The following PAQR9 variants were observed in gnomAD, a reference collection of about 807,000 sequenced individuals.
The protein encoded by PAQR9 is progestin and adipoQ receptor family member 9.
In PAQR9, 12 loss-of-function variants were observed where a neutral mutation model predicts 24.0. The observed-to-expected ratio is 0.50, with a 90% confidence interval of 0.32 to 0.81. The LOEUF (loss-of-function observed/expected upper bound fraction) is 0.81, where lower values mean the gene tolerates loss of function less well. PAQR9 is among the 30% of genes least tolerant of loss of function. PAQR9 has a pLI of 0.03. For missense variants in PAQR9, 418 were observed against 520.8 expected, an observed-to-expected ratio of 0.80 and a Z score of 1.92; for synonymous variants, 266 against 237.6, an observed-to-expected ratio of 1.12 and a Z score of -1.10.
At chr3:142,953,053 C>G (rs1934740365), downstream of PAQR9, among the ~76,000 whole-genome samples, 1 of 152,184 alleles carries the variant, frequency 6.6e-6, no homozygotes, top group African/African-American at 2.4e-5. Flanking sequence ...CACACAGAAC[C>G]TGAAGAACTC....
In PAQR9 at chr3:142,962,765, T is replaced by C; in HGVS notation, c.572A>G (p.Tyr191Cys). Residue 191 changes from tyrosine (Y) to cysteine (C), a missense_variant, in exon 1 of 1, where the codon TAC becomes TGC. Coordinates refer to ENST00000340634, the MANE Select transcript of PAQR9 (RefSeq NM_198504.4). Reference sequence around the variant, plus strand: ...GTGCCAGCCCAGGCGCTGCTGCAAGTATGGAGTCATGACTCTGGCATCCAG... The same window carrying C: ...GTGCCAGCCCAGGCGCTGCTGCAAGCATGGAGTCATGACTCTGGCATCCAG... ...SLLDARVMTP[Y>C]LQQRLGWHVD... The C allele has an allele frequency of 6.2e-7, 1 of 1,612,502 alleles. No individual in the cohort carries two copies. Among genetic ancestry groups the C allele is most frequent in the Non-Finnish European group, 8.5e-7 (1 of 1,179,688 alleles).
At chr3:142,951,380 G>GC (rs1172895952), downstream of PAQR9, among the ~76,000 whole-genome samples, 1 of 152,198 alleles carries the variant, frequency 6.6e-6, no homozygotes, top group Non-Finnish European at 1.5e-5. Flanking sequence ...TGAAGTAGCT[G>GC]TCTGATTCAG....
rs140851741 is a variant in PAQR9 at position 142,963,546 on chromosome 3, G to T, written c.-210C>A. On this transcript the variant is annotated 5_prime_UTR_variant, in exon 1 of 1. Transcript: ENST00000340634. ...TCAATTAATAGGCAGCGCTGCGACC[G>T]CCAGGAGCGCGGAGCGCGCGAGGCT... is the stretch of plus-strand genomic sequence containing the variant. The T allele has an allele frequency of 0.017, 16,883 of 985,550 alleles. 1,861 individuals are homozygous for T. The African/African-American group carries it at 0.25, about 15-fold the overall frequency. 61.1% of individuals were successfully genotyped at this position (985,550 alleles called of 1,614,324 possible).
In PAQR9 at chr3:142,961,475, TAAGA is replaced by T. The variant is rs1934888219; in HGVS notation, c.*724_*727del. On this transcript the variant is annotated 3_prime_UTR_variant, in exon 1 of 1. Coordinates refer to ENST00000340634, the MANE Select transcript of PAQR9 (RefSeq NM_198504.4). ...ACACACGCCTTCAGAAAACACTGTT[TAAGA>T]AAGTAATTGAGAACTCTCAAGCAGC... The T allele has an allele frequency of 6.5e-6, 1 of 152,718 alleles. No homozygotes were observed. Among genetic ancestry groups the T allele is most frequent in the Non-Finnish European group, 1.5e-5 (1 of 68,138 alleles). 9.5% of individuals were successfully genotyped at this position (152,718 alleles called of 1,614,324 possible).
In PAQR9 at chr3:142,962,059, G is replaced by C. The variant is rs1409389392; in HGVS notation, c.*144C>G. The C allele has an allele frequency of 4.0e-6, 4 of 994,518 alleles. No homozygotes were observed. Among genetic ancestry groups the C allele is most frequent in the Non-Finnish European group, 6.0e-6 (4 of 668,914 alleles). 61.6% of individuals were successfully genotyped at this position (994,518 alleles called of 1,614,324 possible). ...TCCAGTGGGTTGGGATCCCTTTGTA[G>C]CAGTGAACTTTTTCCCTATGGTTTT... On this transcript the variant is annotated 3_prime_UTR_variant, in exon 1 of 1. Transcript: ENST00000340634.
In PAQR9 at chr3:142,963,418, G is replaced by T. The variant is rs919475110; in HGVS notation, c.-82C>A. The stretch of plus-strand genomic sequence containing the variant: ...CGCTGGGCAGCCCCCGCCGGCCGCC[G>T]TCGGAGCCTTTGTGCCCACGCCGGG... On this transcript the variant is annotated 5_prime_UTR_variant, in exon 1 of 1. Transcript: ENST00000340634. 51 of 1,065,350 alleles carry T rather than the reference G, an allele frequency of 4.8e-5. No homozygotes were observed. The highest frequency in any genetic ancestry group is 5.3e-5 in the Non-Finnish European group (47 of 884,366). 66.0% of individuals were successfully genotyped at this position (1,065,350 alleles called of 1,614,324 possible). A position where few individuals can be genotyped will look rare whatever the true frequency, so the allele number is the denominator to read the frequency against.
Position 142,959,921 on chromosome 3 carries a change from C to A in PAQR9, c.*2282G>T, listed in dbSNP as rs1934860962. Among the ~76,000 whole-genome samples, 2 of 152,132 alleles carry A rather than the reference C, an allele frequency of 1.3e-5. No individual in the cohort carries two copies. The highest frequency in any genetic ancestry group is 4.1e-4 in the South Asian group (2 of 4,832). On this transcript the variant is annotated 3_prime_UTR_variant, in exon 1 of 1. Coordinates refer to ENST00000340634, the MANE Select transcript of PAQR9 (RefSeq NM_198504.4). ...TTCCAAACCAATGTTCTTTGGGGCTCTAGAAAAAACAACAATGACATGCAA... is the reference window on the plus strand; with the variant it reads ...TTCCAAACCAATGTTCTTTGGGGCTATAGAAAAAACAACAATGACATGCAA...
downstream of PAQR9, among the ~76,000 whole-genome samples, chr3:142,952,185 C>G (rs1934726098): frequency 6.6e-6 from 1 of 151,838 alleles, no homozygotes; most frequent in Non-Finnish European, 1.5e-5. Context: ...GATGAACATA[C>G]AGGAGAACAA....
At position 142,957,708 on chromosome 3, in the gene PAQR9, A is replaced by G. The variant is rs1229811667; in HGVS notation, c.*4495T>C. Among the ~76,000 whole-genome samples, 4 of 152,164 alleles carry G rather than the reference A, an allele frequency of 2.6e-5. No homozygotes were observed. Among genetic ancestry groups the G allele is most frequent in the Non-Finnish European group, 5.9e-5 (4 of 68,024 alleles). ...AGTTATCGTTATTAGTGTTTTCATA[A>G]TATTAGTGATAAGTTTTTCAATTCT... On this transcript the variant is annotated 3_prime_UTR_variant, in exon 1 of 1. Coordinates refer to ENST00000340634, the MANE Select transcript of PAQR9 (RefSeq NM_198504.4).
In PAQR9 at chr3:142,956,002, C is replaced by T. The variant is rs114342306; in HGVS notation, c.*6201G>A. 0.024 allele frequency among the ~76,000 whole-genome samples: 3,677 copies of T among 152,186 alleles called. 57 individuals are homozygous for T. The highest frequency in any genetic ancestry group is 0.085 in the Middle Eastern group (25 of 294). ...CTCACCGGATAAAGATGAGTCTTTC[C>T]AAAAAGCTCTGGTTCTCACTTATGT... On this transcript the variant is annotated 3_prime_UTR_variant, in exon 1 of 1. Transcript: ENST00000340634.
At position 142,962,620 on chromosome 3, in the gene PAQR9, CG is replaced by C. The variant is rs1560159837; in HGVS notation, c.716del (p.Pro239ArgfsTer54). The C allele has an allele frequency of 6.2e-7, 1 of 1,612,784 alleles. No individual in the cohort carries two copies. The highest frequency in any genetic ancestry group is 1.7e-5 in the Admixed American group (1 of 59,890). ...CKSRTDWCTY[P>X]FALRTFVFVM... ...CGAAGACGAAGGTGCGCAGCGCGAA[CG>C]GGTAGGTACACCAGTCGGTACGGCT... is the stretch of plus-strand genomic sequence containing the variant. On this transcript the variant is annotated frameshift_variant, in exon 1 of 1. Coordinates refer to ENST00000340634, the MANE Select transcript of PAQR9 (RefSeq NM_198504.4). LOFTEE classifies it high-confidence loss of function.
At position 142,960,994 on chromosome 3, in the gene PAQR9, T is replaced by C. The variant is rs1934879682; in HGVS notation, c.*1209A>G. On this transcript the variant is annotated 3_prime_UTR_variant, in exon 1 of 1. Transcript: ENST00000340634. Reference sequence around the variant, plus strand: ...AGGATGGATGGCATCAGTCTAGAACTTCTCCCATGGCTGCATTAGAAACAC... The same window carrying C: ...AGGATGGATGGCATCAGTCTAGAACCTCTCCCATGGCTGCATTAGAAACAC... 6.6e-6 allele frequency: 1 copy of C among 152,250 alleles called. No individual in the cohort carries two copies. Among genetic ancestry groups the C allele is most frequent in the Non-Finnish European group, 1.5e-5 (1 of 68,054 alleles). The allele number at this position is 152,250 out of a possible 1,614,324, so 9.4% of individuals were successfully genotyped here.
At position 142,958,644 on chromosome 3, in the gene PAQR9, A is replaced by G. The variant is rs1934832676; in HGVS notation, c.*3559T>C. On this transcript the variant is annotated 3_prime_UTR_variant, in exon 1 of 1. Coordinates refer to ENST00000340634, the MANE Select transcript of PAQR9 (RefSeq NM_198504.4). ...TTTTGCATTCTTAGAAATGATTCCTATGAAGTATCACTATAAATTAGGCTA... is the reference window on the plus strand; with the variant it reads ...TTTTGCATTCTTAGAAATGATTCCTGTGAAGTATCACTATAAATTAGGCTA... Among the ~76,000 whole-genome samples, 1 of 152,212 alleles carries G rather than the reference A, an allele frequency of 6.6e-6. No individual in the cohort carries two copies. Among genetic ancestry groups the G allele is most frequent in the Non-Finnish European group, 1.5e-5 (1 of 68,028 alleles).
chr3:142,957,549 CCTT>C lies in PAQR9; in HGVS notation c.*4651_*4653del, dbSNP rs1337107960. On this transcript the variant is annotated 3_prime_UTR_variant, in exon 1 of 1. Transcript: ENST00000340634. ...TTAATTTTGGAGATCTAGCCATTTA[CCTT>C]CTTATGTATGTGATTGGTTTGTTTG... Among the ~76,000 whole-genome samples the C allele has an allele frequency of 6.6e-6, 1 of 152,064 alleles. No homozygotes were observed. Among genetic ancestry groups the C allele is most frequent in the Non-Finnish European group, 1.5e-5 (1 of 68,032 alleles).
rs529750550 is a variant in PAQR9, at chr3:142,958,439, T to C, written c.*3764A>G. Among the ~76,000 whole-genome samples the C allele has an allele frequency of 6.6e-6, 1 of 152,346 alleles. No homozygotes were observed. Among genetic ancestry groups the C allele is most frequent in the South Asian group, 2.1e-4 (1 of 4,822 alleles). On this transcript the variant is annotated 3_prime_UTR_variant, in exon 1 of 1. Coordinates refer to ENST00000340634, the MANE Select transcript of PAQR9 (RefSeq NM_198504.4). ...TAATCCTGTCACCTTGGACCAACTA[T>C]AAAGCTTTGAAATGGAGATAACTCC...
downstream of PAQR9, chr3:142,952,767 G>A (rs1199567265): frequency 2.2e-6 from 1 of 456,706 alleles, no homozygotes. Context: ...AACAAGAAGA[G>A]TGGGGAGGGA....
downstream of PAQR9, among the ~76,000 whole-genome samples, chr3:142,950,863 C>T (rs1271746507): frequency 6.6e-6 from 1 of 152,072 alleles, no homozygotes; most frequent in East Asian, 1.9e-4. Context: ...TGCTGAGATC[C>T]TGACTCACTC....
At chr3:142,950,337 C>T (rs1361841382), downstream of PAQR9, 1 of 164,664 alleles carries the variant, frequency 6.1e-6, no homozygotes. Context: ...TGGGTTCCTG[C>T]TCTGTTAAAT....
rs1278372970 is a variant in PAQR9 at position 142,957,580 on chromosome 3, T to C, written c.*4623A>G. On this transcript the variant is annotated 3_prime_UTR_variant, in exon 1 of 1. Coordinates refer to ENST00000340634, the MANE Select transcript of PAQR9 (RefSeq NM_198504.4). ...TATGTATGTGATTGGTTTGTTTGTT[T>C]GTTTTATTACACTATAAAATTCAGA... 7.1e-6 allele frequency among the ~76,000 whole-genome samples: 1 copy of C among 140,572 alleles called. No homozygotes were observed. The highest frequency in any genetic ancestry group is 1.5e-5 in the Non-Finnish European group (1 of 65,546). 92.2% of individuals were successfully genotyped at this position (140,572 alleles called of 152,430 possible). A position where few individuals can be genotyped will look rare whatever the true frequency, so the allele number is the denominator to read the frequency against.
Sources: allele counts gnomAD v4.1 joint callset (sites outside exome capture counted in the v4.1 genomes callset), GRCh38; gene constraint gnomAD v4.1.1; transcripts MANE v1.5; gene names NCBI Gene and HGNC (gene_info 2026-07-23, HGNC 2026-07-21).